The following SCRG1 variants were observed in gnomAD, a reference collection of about 807,000 sequenced individuals.
SCRG1 encodes scrapie-responsive protein 1.
In SCRG1, 3 loss-of-function variants were observed where a neutral mutation model predicts 7.7. The ratio of observed to expected loss-of-function variants is 0.39; its 90% CI spans 0.18 to 1.01. SCRG1 has a LOEUF of 1.01. Ranked by LOEUF, SCRG1 falls within the 50% of genes least tolerant of loss-of-function variation. The pLI is 0.36. For synonymous variants in SCRG1, 46 were observed against 41.2 expected, an observed-to-expected ratio of 1.12 and a Z score of -0.44; for missense variants, 110 against 117.2, an observed-to-expected ratio of 0.94 and a Z score of 0.28.
intron 2 of SCRG1, among the ~76,000 whole-genome samples, 199 bp from the exon 3 acceptor site, chr4:173,388,594 T>G (rs946841007): frequency 1.3e-5 from 2 of 152,206 alleles, no homozygotes; most frequent in Non-Finnish European, 2.9e-5. Context: ...TTGTCTACTT[T>G]CCCCGCATTT....
At chr4:173,435,639 A>G in the SCRG1 span, among the ~76,000 whole-genome samples, 2 of 152,242 alleles carry the variant, frequency 1.3e-5, no homozygotes, top group Admixed American at 6.5e-5. Context: ...AACATCGCCA[A>G]GGTAGGCAGC....
the SCRG1 span, among the ~76,000 whole-genome samples, chr4:173,501,986 C>T: frequency 7.2e-5 from 11 of 152,150 alleles, no homozygotes; most frequent in African/African-American, 2.7e-4. This position sits in a 1 kb window ranked among gnomAD's most constrained non-coding sequence, Gnocchi z 5.1. Context: ...CCACGGAAAG[C>T]CAGGTACCTG....
At chr4:173,414,849 G>A in the SCRG1 span, among the ~76,000 whole-genome samples, 1 of 152,280 alleles carries the variant, frequency 6.6e-6, no homozygotes, top group Middle Eastern at 3.4e-3. Context: ...CTCCTCCCTA[G>A]GGTGTGAATA....
the SCRG1 span, among the ~76,000 whole-genome samples, chr4:173,436,495 C>T: frequency 2.6e-4 from 40 of 152,096 alleles, no homozygotes; most frequent in African/African-American, 7.2e-4. Flanking sequence ...TACCTCCAGC[C>T]GGGGGCAGGG....
the SCRG1 span, among the ~76,000 whole-genome samples, chr4:173,422,489 A>C: frequency 1.3e-5 from 2 of 152,214 alleles, no homozygotes; most frequent in Admixed American, 1.3e-4. Flanking sequence ...CACTCACTTC[A>C]CATCCCTTCC....
chr4:173,466,305 C>T, the SCRG1 span, among the ~76,000 whole-genome samples: 4 of 152,132 alleles, frequency 2.6e-5, no homozygotes, highest in Admixed American at 2.0e-4. Context: ...TGAATAGTGT[C>T]GGCTGGAATA....
chr4:173,482,494 G>A, the SCRG1 span, among the ~76,000 whole-genome samples: 1 of 152,054 alleles, frequency 6.6e-6, no homozygotes, highest in Non-Finnish European at 1.5e-5. Context: ...GGCTGGCCTT[G>A]TGACAGCTAC....
chr4:173,505,771 G>C, the SCRG1 span, among the ~76,000 whole-genome samples: 9 of 152,206 alleles, frequency 5.9e-5, no homozygotes, highest in Non-Finnish European at 1.3e-4. The surrounding 1 kb of genome is among the most constrained non-coding windows in gnomAD (Gnocchi z 4.4). Context: ...GTGAAGCAAC[G>C]GCTGGGAGGT....
At chr4:173,484,154 TTTTCTAC>T in the SCRG1 span, among the ~76,000 whole-genome samples, 1 of 83,702 alleles carries the variant, frequency 1.2e-5, no homozygotes, top group Non-Finnish European at 2.1e-5. Context: ...ATATAGAATA[TTTTCTAC>T]ATTATATATA....
the SCRG1 span, among the ~76,000 whole-genome samples, chr4:173,504,706 TCC>T: frequency 4.6e-5 from 7 of 152,298 alleles, no homozygotes; most frequent in South Asian, 1.5e-3. The surrounding 1 kb of genome is among the most constrained non-coding windows in gnomAD (Gnocchi z 4.7). Flanking sequence ...ACCACTGGAG[TCC>T]CTGCCAGGAG....
the SCRG1 span, among the ~76,000 whole-genome samples, chr4:173,428,316 C>T: frequency 6.6e-6 from 1 of 152,190 alleles, no homozygotes; most frequent in African/African-American, 2.4e-5. Context: ...AATTATTCAA[C>T]AAACAGCATT....
At chr4:173,479,439 TTTTG>T in the SCRG1 span, among the ~76,000 whole-genome samples, 6 of 143,490 alleles carry the variant, frequency 4.2e-5, no homozygotes, top group African/African-American at 7.6e-5. Context: ...TTGTTTGTTT[TTTTG>T]TTTTTTTTTT....
chr4:173,481,836 T>C, the SCRG1 span, among the ~76,000 whole-genome samples: 1 of 152,212 alleles, frequency 6.6e-6, no homozygotes, highest in African/African-American at 2.4e-5. Context: ...CAGCTGTTTA[T>C]GTTATCAGTA....
At chr4:173,397,947 A>C (rs1054234881) in intron 1 of SCRG1, among the ~76,000 whole-genome samples, 5 of 152,230 alleles carry the variant, frequency 3.3e-5, no homozygotes, top group African/African-American at 1.2e-4. Flanking sequence ...CCAGCCCAGA[A>C]CTTGACATTT....
At chr4:173,492,467 C>T in the SCRG1 span, among the ~76,000 whole-genome samples, 4 of 152,122 alleles carry the variant, frequency 2.6e-5, no homozygotes, top group African/African-American at 9.7e-5. Context: ...ACTCCATGCC[C>T]ACACTAATCC....
chr4:173,440,610 G>A, the SCRG1 span, among the ~76,000 whole-genome samples: 1 of 152,194 alleles, frequency 6.6e-6, no homozygotes, highest in Non-Finnish European at 1.5e-5. Flanking sequence ...GGCAGTGTTG[G>A]GCATAGGTGG....
the SCRG1 span, among the ~76,000 whole-genome samples, chr4:173,512,315 G>A: frequency 6.6e-6 from 1 of 152,130 alleles, no homozygotes; most frequent in Admixed American, 6.5e-5. Flanking sequence ...AGAGGGACAG[G>A]GGAAAAAAAT....
chr4:173,464,082 G>A, the SCRG1 span, among the ~76,000 whole-genome samples: 1 of 151,996 alleles, frequency 6.6e-6, no homozygotes, highest in African/African-American at 2.4e-5. Flanking sequence ...GAAGGGTGGG[G>A]ATTGTTGGAG....
chr4:173,466,876 T>C, the SCRG1 span, among the ~76,000 whole-genome samples: 9 of 152,208 alleles, frequency 5.9e-5, no homozygotes, highest in African/African-American at 2.2e-4. Context: ...TCATTTGAAG[T>C]ATGTCAATAT....
Sources: gnomAD v4.1 joint callset for allele counts (sites outside exome capture counted in the v4.1 genomes callset) on GRCh38, gnomAD v4.1.1 for gene constraint, Gnocchi (gnomAD v3.1) non-coding constraint, MANE v1.5 for transcripts, NCBI Gene and HGNC (gene_info 2026-07-23, HGNC 2026-07-21) for gene names.